MYH15: variants seen among roughly 807,000 people sequenced by gnomAD.
The protein encoded by MYH15 is myosin-15.
Under a neutral mutation model 240.5 loss-of-function variants are expected in MYH15, and 227 were observed. The observed-to-expected ratio is 0.94, with a 90% CI of 0.85 to 1.05. The LOEUF (loss-of-function observed/expected upper bound fraction) is 1.05, where lower values mean the gene tolerates loss of function less well. Ranked by LOEUF, MYH15 falls within the 50% of genes least tolerant of loss-of-function variation. The pLI, the probability that MYH15 is intolerant of heterozygous loss-of-function variation, is 0.00. For synonymous variants in MYH15, 785 were observed against 796.7 expected (o/e 0.99, Z 0.25); for missense variants, 2,217 against 2,247.5 (o/e 0.99, Z 0.27).
intron 3 of MYH15, among the ~76,000 whole-genome samples, chr3:108,501,088 A>G (rs995584253): frequency 2.0e-5 from 3 of 152,208 alleles, no homozygotes; most frequent in Admixed American, 2.0e-4. Flanking sequence ...GTTTTGTTAC[A>G]GCATCCCAGG....
the MYH15 span, among the ~76,000 whole-genome samples, chr3:108,546,007 G>A: frequency 6.6e-6 from 1 of 152,074 alleles, no homozygotes; most frequent in Non-Finnish European, 1.5e-5. Flanking sequence ...AAGCTTCTGT[G>A]TGTTCCATAA....
At chr3:108,437,928 G>GT (rs2082854758) in intron 24 of MYH15, among the ~76,000 whole-genome samples, 1 of 152,166 alleles carries the variant, frequency 6.6e-6, no homozygotes, top group Non-Finnish European at 1.5e-5. Flanking sequence ...CAGAATATGA[G>GT]TTCTGTCTTA....
chr3:108,430,449 TAAATTGCTAACACTG>T (rs1458972500), intron 26 of MYH15, among the ~76,000 whole-genome samples: 1 of 152,198 alleles, frequency 6.6e-6, no homozygotes, highest in Non-Finnish European at 1.5e-5. Flanking sequence ...TCATAAAAAT[TAAATTGCTAACACTG>T]AATGCATACC....
upstream of MYH15, among the ~76,000 whole-genome samples, chr3:108,512,726 A>G (rs1036648895): frequency 6.6e-6 from 1 of 152,178 alleles, no homozygotes; most frequent in African/African-American, 2.4e-5. Flanking sequence ...TTATTATAAC[A>G]TCAGAGATGA....
intron 25 of MYH15, among the ~76,000 whole-genome samples, chr3:108,435,570 CT>C (rs973699891): frequency 8.6e-5 from 13 of 150,736 alleles, no homozygotes; most frequent in African/African-American, 3.0e-4. Flanking sequence ...AGTCTTTTTC[CT>C]TTTTGTGACT....
At chr3:108,437,051 C>T (rs1012399939) in intron 25 of MYH15, among the ~76,000 whole-genome samples, 4 of 151,896 alleles carry the variant, frequency 2.6e-5, no homozygotes, top group Non-Finnish European at 5.9e-5. Context: ...ATTTTCATGG[C>T]TTGTTTTAGA....
At chr3:108,530,413 G>A (rs1407223094), upstream of MYH15, among the ~76,000 whole-genome samples, 3 of 152,198 alleles carry the variant, frequency 2.0e-5, no homozygotes, top group Non-Finnish European at 4.4e-5. Flanking sequence ...GAAAATATCA[G>A]TGATTTCCAG....
chr3:108,536,795 C>T, the MYH15 span, among the ~76,000 whole-genome samples: 1 of 152,176 alleles, frequency 6.6e-6, no homozygotes, highest in Admixed American at 6.5e-5. Context: ...TACGGGATAC[C>T]TCAGCATTTA....
chr3:108,529,524 A>G (rs2083698161), upstream of MYH15, among the ~76,000 whole-genome samples: 1 of 152,190 alleles, frequency 6.6e-6, no homozygotes, highest in Non-Finnish European at 1.5e-5. Context: ...TTTAGATTTT[A>G]TTCTATATTT....
chr3:108,548,381 A>G, the MYH15 span, among the ~76,000 whole-genome samples: 1 of 152,154 alleles, frequency 6.6e-6, no homozygotes, highest in African/African-American at 2.4e-5. Context: ...ATTACCAAAC[A>G]TAAAAAGACA....
At chr3:108,493,293 T>G in intron 7 of MYH15, 116 bp from the exon 8 acceptor site, 5 of 455,064 alleles carry the variant, frequency 1.1e-5, no homozygotes, top group South Asian at 5.9e-5. Context: ...TCCCCAGAAG[T>G]AAAAAACAAA....
At chr3:108,397,022 A>T (rs2107539627) in intron 35 of MYH15, among the ~76,000 whole-genome samples, 1 of 152,278 alleles carries the variant, frequency 6.6e-6, no homozygotes, top group African/African-American at 2.4e-5. Context: ...AACTAAAATG[A>T]TCCCACAGAT....
chr3:108,422,708 A>G lies in MYH15; in HGVS notation c.3703-1494T>C, dbSNP rs77776505. On this transcript the variant is annotated intron_variant, in intron 27 of 40. Coordinates refer to ENST00000693548, the MANE Select transcript of MYH15 (RefSeq NM_014981.3). ...TATGGAAATGGAAGAACTGGGAGAC[A>G]AAGAAGAGATTACACCAATGAAATT... is the stretch of plus-strand genomic sequence containing the variant. Among the ~76,000 whole-genome samples the G allele has an allele frequency of 7.6e-3, 1,160 of 152,304 alleles. 18 individuals are homozygous for G. The highest frequency in any genetic ancestry group is 0.026 in the African/African-American group (1,093 of 41,554).
At chr3:108,494,814 T>G (rs183806423) in intron 7 of MYH15, among the ~76,000 whole-genome samples, 3 of 152,288 alleles carry the variant, frequency 2.0e-5, no homozygotes, top group Non-Finnish European at 2.9e-5. Context: ...TTACCTGATG[T>G]TCTTCGCTTT....
At chr3:108,447,580 G>GA (rs199837149) in intron 21 of MYH15, among the ~76,000 whole-genome samples, 16,461 of 142,932 alleles carry the variant, frequency 0.12, 1,622 homozygotes, top group East Asian at 0.53. Flanking sequence ...AGTGCTAAAA[G>GA]AAAAAAAAAA....
At chr3:108,443,758 T>A (rs535146287) in intron 22 of MYH15, among the ~76,000 whole-genome samples, 1 of 151,936 alleles carries the variant, frequency 6.6e-6, no homozygotes, top group Non-Finnish European at 1.5e-5. Flanking sequence ...TTAAAGACAA[T>A]GGTTCTTAAT....
intron 29 of MYH15, among the ~76,000 whole-genome samples, chr3:108,415,978 G>A (rs1433420028): frequency 6.6e-6 from 1 of 152,146 alleles, no homozygotes; most frequent in Non-Finnish European, 1.5e-5. Flanking sequence ...GTATGACCTT[G>A]GACATGATAT....
rs747488668 is a variant in MYH15 at position 108,384,796 on chromosome 3, G to C, written c.5536-14C>G. Reference sequence around the variant, plus strand: ...GTCTTCCTCTGCCTGCAATACATAGGCATGTATGGGAAGGTGATTCAGAGG... The same window carrying C: ...GTCTTCCTCTGCCTGCAATACATAGCCATGTATGGGAAGGTGATTCAGAGG... On this transcript the variant is annotated splice_polypyrimidine_tract_variant and intron_variant, in intron 38 of 40. Coordinates refer to ENST00000693548, the MANE Select transcript of MYH15 (RefSeq NM_014981.3). 8 of 1,604,702 alleles carry C rather than the reference G, an allele frequency of 5.0e-6. No homozygotes were observed. The Admixed American group carries it at 1.3e-4, about 27-fold the overall frequency.
intron 33 of MYH15, among the ~76,000 whole-genome samples, chr3:108,402,193 A>C (rs2082510894): frequency 6.6e-6 from 1 of 152,132 alleles, no homozygotes; most frequent in African/African-American, 2.4e-5. Flanking sequence ...ACCATGTCTG[A>C]GTTTGAGGTT....
Sources: gnomAD v4.1 joint callset for allele counts (sites outside exome capture counted in the v4.1 genomes callset) on GRCh38, gnomAD v4.1.1 for gene constraint, MANE v1.5 for transcripts, NCBI Gene and HGNC (gene_info 2026-07-23, HGNC 2026-07-21) for gene names.